GGACT: variants seen among roughly 807,000 people sequenced by gnomAD.
The protein encoded by GGACT is gamma-glutamylaminecyclotransferase.
For synonymous variants in GGACT, 118 were observed against 115.3 expected, an observed-to-expected ratio of 1.02 and a Z score of -0.15; for missense variants, 241 against 233.2, an observed-to-expected ratio of 1.03 and a Z score of -0.22.
rs139990992 is a variant in GGACT, at chr13:100,567,616, G to A, written c.-11+16209C>T. 4.6e-5 allele frequency among the ~76,000 whole-genome samples: 7 copies of A among 152,302 alleles called. 1 individual carries two copies. Among genetic ancestry groups the A allele is most frequent in the African/African-American group, 1.4e-4 (6 of 41,560 alleles). On this transcript the variant is annotated intron_variant, in intron 2 of 2. Transcript: ENST00000683975. ...GGCTGCATCTGTCCACAACCCCTGCGCCAGCAGAATATATGCCTGTATCCA... is the reference window on the plus strand; with the variant it reads ...GGCTGCATCTGTCCACAACCCCTGCACCAGCAGAATATATGCCTGTATCCA...
chr13:100,565,538 AG>A (rs35254306), intron 2 of GGACT, among the ~76,000 whole-genome samples: 37,431 of 152,054 alleles, frequency 0.25, 5,802 homozygotes, highest in South Asian at 0.43. Flanking sequence ...ATTCTGCAAA[AG>A]CATCTCTGCA....
Position 100,559,212 on chromosome 13 carries a change from G to A in GGACT, c.-11+24613C>T, listed in dbSNP as rs118125536. Reference sequence around the variant, plus strand: ...TCATTCATTAATTCATTTTTGAGACGGAGTCTCATCTGTTGCCCAGGCTGG... The same window carrying A: ...TCATTCATTAATTCATTTTTGAGACAGAGTCTCATCTGTTGCCCAGGCTGG... On this transcript the variant is annotated intron_variant, in intron 2 of 2. Transcript: ENST00000683975. Among the ~76,000 whole-genome samples, 329 of 152,046 alleles carry A rather than the reference G, an allele frequency of 2.2e-3. 12 individuals are homozygous for A. The East Asian group carries it at 0.04, about 18-fold the overall frequency.
At chr13:100,580,314 C>T (rs1875377010) in intron 2 of GGACT, among the ~76,000 whole-genome samples, 1 of 152,216 alleles carries the variant, frequency 6.6e-6, no homozygotes, top group African/African-American at 2.4e-5. Flanking sequence ...GGGCAATCTA[C>T]ACGGGCCCTG....
Position 100,534,604 on chromosome 13 carries a change from G to A in GGACT, c.-10-2003C>T, listed in dbSNP as rs745370977. On this transcript the variant is annotated intron_variant, in intron 2 of 2. Coordinates refer to ENST00000683975, the MANE Select transcript of GGACT (RefSeq NM_001195087.2). The surrounding 1 kb of genome is among the most constrained non-coding windows in gnomAD (Gnocchi z 4.9). ...CCCAAAAGACGAGCACCTGGGGGGC[G>A]ATGATGGTTTGGATCCTGCTGTGCA... is the stretch of plus-strand genomic sequence containing the variant. Among the ~76,000 whole-genome samples the A allele has an allele frequency of 1.2e-4, 19 of 152,212 alleles. No homozygotes were observed. The highest frequency in any genetic ancestry group is 1.7e-4 in the African/African-American group (7 of 41,532).
chr13:100,536,543 A>T (rs1227622939), intron 2 of GGACT: 1 of 150,416 alleles, frequency 6.6e-6, no homozygotes, highest in Non-Finnish European at 1.5e-5. Flanking sequence ...TCACAGGCTC[A>T]ATATATATAT....
intron 2 of GGACT, among the ~76,000 whole-genome samples, chr13:100,578,374 G>C (rs530250967): frequency 6.6e-6 from 1 of 152,266 alleles, no homozygotes; most frequent in Non-Finnish European, 1.5e-5. Context: ...TCGCATTTGC[G>C]TAAGATATCT....
chr13:100,568,910 GA>G (rs1176514003), intron 2 of GGACT, among the ~76,000 whole-genome samples: 1 of 152,262 alleles, frequency 6.6e-6, no homozygotes, highest in Non-Finnish European at 1.5e-5. Flanking sequence ...ATGCAAGTCT[GA>G]AATCCAATAG....
At chr13:100,586,318 G>A (rs983679862) in intron 1 of GGACT, among the ~76,000 whole-genome samples, 4 of 152,296 alleles carry the variant, frequency 2.6e-5, no homozygotes, top group African/African-American at 9.6e-5. Flanking sequence ...AACAAGACTT[G>A]TGAAGTCCAT....
rs567772423 is a variant in GGACT at position 100,571,559 on chromosome 13, C to T, written c.-11+12266G>A. 1.2e-4 allele frequency among the ~76,000 whole-genome samples: 18 copies of T among 152,222 alleles called. No homozygotes were observed. In the South Asian group the frequency reaches 3.7e-3, roughly 32 times the overall value. On this transcript the variant is annotated intron_variant, in intron 2 of 2. Transcript: ENST00000683975. ...AGCTTCTAGCCTCAAGCAATCCTGC[C>T]ACTTCAGCCTCCCCAAGTGCTAGGA... is the stretch of plus-strand genomic sequence containing the variant.
Position 100,545,291 on chromosome 13 carries a change from C to T in GGACT, c.-10-12690G>A, listed in dbSNP as rs2088594804. ...ACCACATGGTGAGGCCGCTTCACTCCCAGCTTCTCCCCCCTTTTGCAGATG... is the reference window on the plus strand; with the variant it reads ...ACCACATGGTGAGGCCGCTTCACTCTCAGCTTCTCCCCCCTTTTGCAGATG... On this transcript the variant is annotated intron_variant, in intron 2 of 2. Transcript: ENST00000683975. The surrounding 1 kb of genome is among the most constrained non-coding windows in gnomAD (Gnocchi z 4.4). Among the ~76,000 whole-genome samples the T allele has an allele frequency of 6.6e-6, 1 of 152,248 alleles. No individual in the cohort carries two copies. Among genetic ancestry groups the T allele is most frequent in the South Asian group, 2.1e-4 (1 of 4,838 alleles).
chr13:100,579,112 GC>G (rs1384559370), intron 2 of GGACT, among the ~76,000 whole-genome samples: 1 of 152,198 alleles, frequency 6.6e-6, no homozygotes, highest in Non-Finnish European at 1.5e-5. Context: ...CTTACTGGGT[GC>G]CCACTATGTG....
chr13:100,559,759 T>C (rs1312593791), intron 2 of GGACT, among the ~76,000 whole-genome samples: 1 of 152,136 alleles, frequency 6.6e-6, no homozygotes, highest in East Asian at 1.9e-4. Context: ...CCTCCCAAAC[T>C]GCTGGGATTA....
intron 2 of GGACT, among the ~76,000 whole-genome samples, chr13:100,576,664 G>C (rs1321447218): frequency 6.6e-6 from 1 of 152,166 alleles, no homozygotes; most frequent in African/African-American, 2.4e-5. Context: ...AGCCTCAAAG[G>C]TTGCATATTA....
At position 100,558,610 on chromosome 13, in the gene GGACT, A is replaced by G. The variant is rs541231238; in HGVS notation, c.-11+25215T>C. ...TGACAGTGTCTTTAAAGTTAAACAT[A>G]CATTTACCATACAACCCAGCAATTT... On this transcript the variant is annotated intron_variant, in intron 2 of 2. Transcript: ENST00000683975. 1.6e-4 allele frequency among the ~76,000 whole-genome samples: 25 copies of G among 152,372 alleles called. 1 individual carries two copies. The East Asian group carries it at 4.8e-3, about 29-fold the overall frequency.
intron 2 of GGACT, among the ~76,000 whole-genome samples, chr13:100,565,215 T>C (rs1304562920): frequency 6.6e-6 from 1 of 152,188 alleles, no homozygotes; most frequent in Non-Finnish European, 1.5e-5. Context: ...TTTAAAATAA[T>C]TTGTGCTCAG....
At position 100,532,240 on chromosome 13, in the gene GGACT, C is replaced by A; in HGVS notation, c.352G>T (p.Val118Leu). The A allele has an allele frequency of 1.3e-6, 2 of 1,507,738 alleles. No individual in the cohort carries two copies. Among genetic ancestry groups the A allele is most frequent in the Non-Finnish European group, 8.9e-7 (1 of 1,121,770 alleles). 93.4% of individuals were successfully genotyped at this position (1,507,738 alleles called of 1,614,324 possible). A position where few individuals can be genotyped will look rare whatever the true frequency, so the allele number is the denominator to read the frequency against. ...PPAPTAVQCF[V>L]YSRATFPPEW... is the part of the protein sequence containing the mutation. Reference sequence around the variant, plus strand: ...GGCGGGAAGGTGGCCCTGCTGTACACGAAGCACTGCACCGCGGTGGGCGCT... The same window carrying A: ...GGCGGGAAGGTGGCCCTGCTGTACAAGAAGCACTGCACCGCGGTGGGCGCT... Residue 118 changes from valine to leucine, a missense_variant, in exon 3 of 3, where the codon GTG becomes TTG. Transcript: ENST00000683975.
At chr13:100,535,962 T>C (rs2088486190) in intron 2 of GGACT, 1 of 152,134 alleles carries the variant, frequency 6.6e-6, no homozygotes, top group Non-Finnish European at 1.5e-5. Context: ...GCCACCCTCA[T>C]TCCTGTCCCG....
chr13:100,582,276 C>G (rs1288091048), intron 2 of GGACT, among the ~76,000 whole-genome samples: 1 of 152,178 alleles, frequency 6.6e-6, no homozygotes, highest in East Asian at 1.9e-4. Context: ...AACTTCAAAA[C>G]TTATGATGAC....
chr13:100,569,415 A>G (rs1875012322), intron 2 of GGACT, among the ~76,000 whole-genome samples: 2 of 152,206 alleles, frequency 1.3e-5, no homozygotes, highest in African/African-American at 4.8e-5. Flanking sequence ...TGGGGCTTGT[A>G]CTCTCTGAAG....
Sources: allele counts gnomAD v4.1 joint callset (sites outside exome capture counted in the v4.1 genomes callset), GRCh38; gene constraint gnomAD v4.1.1; non-coding constraint Gnocchi (gnomAD v3.1); transcripts MANE v1.5; gene names NCBI Gene and HGNC (gene_info 2026-07-23, HGNC 2026-07-21).